Variants in NUP153 observed in about 807,000 individuals in gnomAD.
NUP153 encodes nuclear pore complex protein Nup153.
NUP153 carries 27 observed loss-of-function variants against 134.6 expected under a neutral mutation model. The observed-to-expected ratio is 0.20, with a 90% confidence interval of 0.15 to 0.28. The LOEUF is 0.28. Among genes scored for constraint, NUP153 ranks in the 10% least tolerant of loss-of-function variants. The probability of loss-of-function intolerance (pLI) is 1.00; values close to 1 mark genes in which losing one functional copy is unlikely to be tolerated. For missense variants in NUP153, 1,821 were observed against 1,731.3 expected (o/e 1.05, Z -0.92); for synonymous variants, 640 against 623.5 (o/e 1.03, Z -0.40).
At chr6:17,690,363 G>C (rs965819468) in intron 1 of NUP153, among the ~76,000 whole-genome samples, 3 of 150,322 alleles carry the variant, frequency 2.0e-5, no homozygotes, top group African/African-American at 4.9e-5. Context: ...CTGGGCGACA[G>C]AGCGAGACTC....
At chr6:17,651,751 T>C (rs146683760) in intron 11 of NUP153, 114 of 426,716 alleles carry the variant, frequency 2.7e-4, no homozygotes, top group African/African-American at 1.4e-3. Context: ...TATGGAGCCA[T>C]AGAATAAATG....
chr6:17,639,762 C>A (rs1036774323), intron 15 of NUP153, among the ~76,000 whole-genome samples, 177 bp downstream of exon 15: 1 of 152,198 alleles, frequency 6.6e-6, no homozygotes, highest in Admixed American at 6.5e-5. Flanking sequence ...AGTATAGAGT[C>A]CTTTGGCTTG....
At chr6:17,620,373 GACAAGAAC>G (rs1178882688) in intron 20 of NUP153, among the ~76,000 whole-genome samples, 1 of 152,140 alleles carries the variant, frequency 6.6e-6, no homozygotes, top group African/African-American at 2.4e-5. Flanking sequence ...CGACAATGAT[GACAAGAAC>G]ACGCATTGGG....
intron 14 of NUP153, among the ~76,000 whole-genome samples, chr6:17,640,838 G>C (rs1054784454): frequency 6.6e-6 from 1 of 151,866 alleles, no homozygotes; most frequent in Non-Finnish European, 1.5e-5. Flanking sequence ...GGCCAGACTG[G>C]TCTTAAACTC....
At chr6:17,660,082 C>T (rs759000752) in intron 11 of NUP153, among the ~76,000 whole-genome samples, 1 of 152,122 alleles carries the variant, frequency 6.6e-6, no homozygotes, top group African/African-American at 2.4e-5. Context: ...GGTCATAATT[C>T]TGGTGAGCTA....
chr6:17,669,083 T>C, intron 7 of NUP153, 55 bp from the exon 8 acceptor site: 2 of 867,556 alleles, frequency 2.3e-6, no homozygotes, highest in Non-Finnish European at 1.6e-6. Context: ...AAAAATACCT[T>C]TTTTTTTTTT....
intron 1 of NUP153, 129 bp from the exon 2 acceptor site, chr6:17,688,747 A>G: frequency 3.1e-6 from 2 of 644,924 alleles, no homozygotes; most frequent in Non-Finnish European, 5.4e-6. Flanking sequence ...TTCAGTTACT[A>G]CAGTTACTGC....
At chr6:17,692,151 A>T (rs534135729) in intron 1 of NUP153, among the ~76,000 whole-genome samples, 14 of 152,326 alleles carry the variant, frequency 9.2e-5, no homozygotes, top group African/African-American at 3.4e-4. Context: ...GTATCTTCAA[A>T]AACAACTGGA....
intron 11 of NUP153, among the ~76,000 whole-genome samples, chr6:17,658,417 A>G (rs78486364): frequency 0.041 from 6,213 of 152,226 alleles, 393 homozygotes; most frequent in East Asian, 0.29. Context: ...AAACAAAACA[A>G]AACAAAACAC....
chr6:17,696,365 G>T (rs1769643325), intron 1 of NUP153, among the ~76,000 whole-genome samples: 1 of 152,176 alleles, frequency 6.6e-6, no homozygotes, highest in Non-Finnish European at 1.5e-5. Context: ...CCTATGTTTT[G>T]AGGAGTTCTT....
intron 11 of NUP153, among the ~76,000 whole-genome samples, chr6:17,652,250 T>C (rs1766540308): frequency 7.1e-6 from 1 of 140,756 alleles, no homozygotes; most frequent in South Asian, 2.3e-4. Context: ...GAATATATTT[T>C]CTTTAAGAAT....
Position 17,629,499 on chromosome 6 carries a change from G to A in NUP153, c.2700C>T (p.Ser900=). Residue 900 remains serine, a synonymous_variant, in exon 18 of 22, where the codon TCC becomes TCT. Coordinates refer to ENST00000262077, the MANE Select transcript of NUP153 (RefSeq NM_005124.4). ...TSSSSSNSAA[S]SSFKFGVSSS... ...ATGAGACACCAAATTTGAAGGATGA[G>A]GAGGCTGCTGAGTTCGAAGATGAGG... The A allele has an allele frequency of 1.2e-6, 2 of 1,603,054 alleles. No homozygotes were observed. Among genetic ancestry groups the A allele is most frequent in the Non-Finnish European group, 1.7e-6 (2 of 1,177,344 alleles).
chr6:17,704,532 A>C (rs547732823), intron 1 of NUP153, among the ~76,000 whole-genome samples: 11 of 152,114 alleles, frequency 7.2e-5, no homozygotes, highest in Non-Finnish European at 1.5e-4. Flanking sequence ...TCTAATCTTA[A>C]ATCTGCTCGC....
chr6:17,622,487 CT>C (rs1391914854), intron 20 of NUP153, among the ~76,000 whole-genome samples: 1 of 152,156 alleles, frequency 6.6e-6, no homozygotes, highest in African/African-American at 2.4e-5. Context: ...AAAGGATTTT[CT>C]AACATCTTTA....
chr6:17,657,392 A>T (rs1220075031), intron 11 of NUP153, among the ~76,000 whole-genome samples: 1 of 148,006 alleles, frequency 6.8e-6, no homozygotes, highest in Non-Finnish European at 1.5e-5. Context: ...AAATAAAAAA[A>T]TAAAAAAATA....
At position 17,675,301 on chromosome 6, in the gene NUP153, T is replaced by C. The variant is rs573887183; in HGVS notation, c.651A>G (p.Ser217=). The C allele has an allele frequency of 6.2e-7, 1 of 1,613,706 alleles. No homozygotes were observed. The highest frequency in any genetic ancestry group is 1.1e-5 in the South Asian group (1 of 91,050). ...LWSPEAERSH[S]LSQHTATSSK... ...AGCTGGTGGCAGTGTGCTGTGAGAGTGAGTGAGAACGTTCAGCTTCTGGGG... is the reference window on the plus strand; with the variant it reads ...AGCTGGTGGCAGTGTGCTGTGAGAGCGAGTGAGAACGTTCAGCTTCTGGGG... The change falls in exon 4 of 22, where the codon TCA becomes TCG. Residue 217 remains serine (S), a synonymous_variant. Coordinates refer to ENST00000262077, the MANE Select transcript of NUP153 (RefSeq NM_005124.4). The surrounding 1 kb of genome is among the most constrained non-coding windows in gnomAD (Gnocchi z 4.4).
chr6:17,637,705 T>C lies in NUP153; in HGVS notation c.1912A>G (p.Thr638Ala). ...QPTATSPVVY[T>A]RPAISSFSSS... ...GAAAAGCTACTTATTGCTGGTCTTG[T>C]ATAAACTACTGGGCTTGTTGCGGTG... The change falls in exon 16 of 22, where the codon ACA becomes GCA. Residue 638 changes from threonine (T) to alanine (A), a missense_variant. Coordinates refer to ENST00000262077, the MANE Select transcript of NUP153 (RefSeq NM_005124.4). 6.2e-7 allele frequency: 1 copy of C among 1,609,694 alleles called. No homozygotes were observed. Among genetic ancestry groups the C allele is most frequent in the Non-Finnish European group, 8.5e-7 (1 of 1,180,004 alleles).
chr6:17,647,264 CCAAA>C (rs534191098), intron 13 of NUP153, among the ~76,000 whole-genome samples: 146 of 152,226 alleles, frequency 9.6e-4, no homozygotes, highest in Middle Eastern at 3.4e-3. Flanking sequence ...TATTCTTACC[CCAAA>C]CATTCACTTT....
rs188245160 is a variant in NUP153 at position 17,701,385 on chromosome 6, C to T, written c.111+4892G>A. ...TCTATTAAAAATACAAAAATTAGGC[C>T]GAGTGTGGTAGCTCACACCCATAAT... On this transcript the variant is annotated intron_variant, in intron 1 of 21. Coordinates refer to ENST00000262077, the MANE Select transcript of NUP153 (RefSeq NM_005124.4). Among the ~76,000 whole-genome samples the T allele has an allele frequency of 2.0e-4, 30 of 151,906 alleles. 1 individual carries two copies. Among genetic ancestry groups the T allele is most frequent in the African/African-American group, 6.3e-4 (26 of 41,436 alleles).
Sources: gnomAD v4.1 joint callset for allele counts (sites outside exome capture counted in the v4.1 genomes callset) on GRCh38, gnomAD v4.1.1 for gene constraint, Gnocchi (gnomAD v3.1) non-coding constraint, MANE v1.5 for transcripts, NCBI Gene and HGNC (gene_info 2026-07-23, HGNC 2026-07-21) for gene names.